Variants in DOCK9 observed in about 807,000 individuals in gnomAD.
DOCK9 encodes dedicator of cytokinesis 9.
DOCK9 carries 89 observed loss-of-function variants against 263.3 expected under a neutral mutation model. That is an observed-to-expected ratio of 0.34 (90% CI 0.28 to 0.40). DOCK9 has a LOEUF of 0.40. Ranked by LOEUF, DOCK9 falls within the 10% of genes least tolerant of loss-of-function variation. The pLI is 1.00. For synonymous variants in DOCK9, 976 were observed against 973.1 expected (o/e 1.00, Z -0.06); for missense variants, 2,140 against 2,603.4 (o/e 0.82, Z 3.87).
At chr13:99,057,202 T>G (rs2040965629) in intron 1 of DOCK9, among the ~76,000 whole-genome samples, 1 of 152,142 alleles carries the variant, frequency 6.6e-6, no homozygotes, top group Non-Finnish European at 1.5e-5. Context: ...ATATATCCCT[T>G]TTTTCCTTTA....
At chr13:98,944,267 T>C (rs1346914025) in intron 2 of DOCK9, among the ~76,000 whole-genome samples, 2 of 151,928 alleles carry the variant, frequency 1.3e-5, no homozygotes, top group Non-Finnish European at 2.9e-5. Context: ...ATTTCATACG[T>C]GTGTGCTCTC....
chr13:99,023,443 A>AT lies in DOCK9; in HGVS notation c.129+62779_129+62780insA, dbSNP rs202143312. On this transcript the variant is annotated intron_variant, in intron 1 of 32. Coordinates refer to the DOCK9 transcript ENST00000427887. ...TTAGAATAGTCAAATTCATAGAAAC[A>AT]GAAAGTAGCATGGTAGTTGCCAGGT... is the stretch of plus-strand genomic sequence containing the variant. 7.2e-4 allele frequency among the ~76,000 whole-genome samples: 109 copies of AT among 152,382 alleles called. 3 individuals are homozygous for AT. In the East Asian group the frequency reaches 0.02, roughly 28 times the overall value.
chr13:99,028,059 G>T (rs954115020), intron 1 of DOCK9, among the ~76,000 whole-genome samples: 1 of 152,102 alleles, frequency 6.6e-6, no homozygotes, highest in Admixed American at 6.5e-5. Flanking sequence ...AGTAGGAGTG[G>T]CCCCTCTCAC....
intron 7 of DOCK9, among the ~76,000 whole-genome samples, chr13:98,918,001 G>T (rs1279593706): frequency 1.3e-5 from 2 of 152,194 alleles, no homozygotes; most frequent in East Asian, 3.8e-4. Flanking sequence ...GGTCCCTGCA[G>T]ACATCTGATT....
intron 27 of DOCK9, among the ~76,000 whole-genome samples, chr13:98,873,791 T>C (rs2094252591): frequency 6.6e-6 from 1 of 152,218 alleles, no homozygotes; most frequent in Non-Finnish European, 1.5e-5. Flanking sequence ...TACTTTCCTG[T>C]TTAACTCACT....
chr13:98,848,691 C>A, intron 36 of DOCK9, 52 bp from the exon 37 acceptor site: 1 of 1,542,314 alleles, frequency 6.5e-7, no homozygotes, highest in Non-Finnish European at 8.9e-7. Context: ...AAATTATTTT[C>A]GGGACGTTAT....
At chr13:98,869,504 T>TG (rs1688760523) in intron 27 of DOCK9, among the ~76,000 whole-genome samples, 1 of 152,244 alleles carries the variant, frequency 6.6e-6, no homozygotes, top group South Asian at 2.1e-4. Context: ...AATAATTTAC[T>TG]GAGAGCCTGA....
intron 33 of DOCK9, chr13:98,857,410 T>TC (rs1339967977): frequency 6.6e-6 from 1 of 152,214 alleles, no homozygotes; most frequent in Non-Finnish European, 1.5e-5. Flanking sequence ...TGCCTCAGCC[T>TC]CCCAAGTAGC....
At chr13:98,885,329 C>A in intron 20 of DOCK9, 1 of 574,858 alleles carries the variant, frequency 1.7e-6, no homozygotes, top group Non-Finnish European at 2.9e-6. Flanking sequence ...GCAGGCTGGG[C>A]ATGGTGGCTC....
intron 1 of DOCK9, chr13:99,015,366 T>C: frequency 8.3e-7 from 1 of 1,204,852 alleles, no homozygotes; most frequent in Non-Finnish European, 1.1e-6. Flanking sequence ...TACACTTAAA[T>C]AAATATATTT....
chr13:98,865,788 T>G (rs1238014567), intron 30 of DOCK9, among the ~76,000 whole-genome samples: 2 of 152,000 alleles, frequency 1.3e-5, no homozygotes, highest in African/African-American at 2.4e-5. Context: ...AGTGGTTAAT[T>G]CCAGTTGAGG....
intron 17 of DOCK9, 51 bp from the exon 18 acceptor site, chr13:98,888,274 A>G (rs371306295): frequency 6.2e-7 from 1 of 1,602,890 alleles, no homozygotes; most frequent in Non-Finnish European, 8.5e-7. Context: ...AAGTCAGACT[A>G]TGTAAGTATT....
chr13:98,871,136 T>G (rs1446896274), intron 27 of DOCK9, among the ~76,000 whole-genome samples: 2 of 152,184 alleles, frequency 1.3e-5, no homozygotes, highest in African/African-American at 2.4e-5. Flanking sequence ...AGTTATATCT[T>G]TTTTAAAGGC....
Position 98,888,188 on chromosome 13 carries a change from A to G in DOCK9, c.2013T>C (p.Asp671=). ...GGGGCTGAGAGTCTTCCTCATCTGA[A>G]TCTTTGAATTCAATGCAAATCGCAA... ...RNIAICIEFK[D]SDEEDSQPLK... Residue 671 remains aspartate, a synonymous_variant, in exon 18 of 53, where the codon GAT becomes GAC. Coordinates refer to ENST00000682017, the MANE Select transcript of DOCK9 (RefSeq NM_001366683.2). 1 of 1,609,496 alleles carries G rather than the reference A, an allele frequency of 6.2e-7. No homozygotes were observed. Among genetic ancestry groups the G allele is most frequent in the Middle Eastern group, 1.7e-4 (1 of 6,058 alleles).
intron 45 of DOCK9, among the ~76,000 whole-genome samples, chr13:98,814,112 T>C (rs1005040461): frequency 6.6e-6 from 1 of 152,244 alleles, no homozygotes; most frequent in African/African-American, 2.4e-5. Flanking sequence ...TAAACATTTG[T>C]AAAGCAGTTG....
chr13:98,804,806 G>A lies in DOCK9; in HGVS notation c.5725+193C>T, dbSNP rs1224818469. On this transcript the variant is annotated intron_variant, in intron 49 of 52. Transcript: ENST00000682017. Reference sequence around the variant, plus strand: ...GCTTCTGGTCTTGTGGAAGAAGGAAGTGTCAACAGATCAACAGAAAAACAT... The same window carrying A: ...GCTTCTGGTCTTGTGGAAGAAGGAAATGTCAACAGATCAACAGAAAAACAT... Among the ~76,000 whole-genome samples, 7 of 152,322 alleles carry A rather than the reference G, an allele frequency of 4.6e-5. No individual in the cohort carries two copies. The South Asian group carries it at 1.2e-3, about 27-fold the overall frequency.
intron 1 of DOCK9, among the ~76,000 whole-genome samples, chr13:99,026,268 T>G (rs1886710985): frequency 6.6e-6 from 1 of 152,192 alleles, no homozygotes. Flanking sequence ...GATGAATCAT[T>G]TCATGTATGA....
chr13:98,872,653 T>C (rs571318233), intron 27 of DOCK9, among the ~76,000 whole-genome samples: 16 of 152,302 alleles, frequency 1.1e-4, no homozygotes, highest in African/African-American at 3.8e-4. Context: ...GCGATTCTCC[T>C]ACCTAGGCCT....
intron 5 of DOCK9, 78 bp from the exon 6 acceptor site, chr13:98,922,224 A>G: frequency 9.3e-7 from 1 of 1,072,880 alleles, no homozygotes; most frequent in Non-Finnish European, 1.4e-6. Context: ...GTCAATGGGA[A>G]GGTCATTCCC....
Sources: allele counts gnomAD v4.1 joint callset (sites outside exome capture counted in the v4.1 genomes callset), GRCh38; gene constraint gnomAD v4.1.1; transcripts MANE v1.5; gene names NCBI Gene and HGNC (gene_info 2026-07-23, HGNC 2026-07-21).